The following SPIDR variants were observed in gnomAD, a reference collection of about 807,000 sequenced individuals.
The protein encoded by SPIDR is DNA repair-scaffolding protein.
In SPIDR, 93 loss-of-function variants were observed where a neutral mutation model predicts 104.6. The ratio of observed to expected loss-of-function variants is 0.89; its 90% CI spans 0.75 to 1.06. The LOEUF (loss-of-function observed/expected upper bound fraction) is 1.06. SPIDR is among the 50% of genes least tolerant of loss of function. The probability of loss-of-function intolerance (pLI) is 0.00; values close to 1 mark genes in which losing one functional copy is unlikely to be tolerated. For missense variants in SPIDR, 1,154 were observed against 1,111.2 expected, an observed-to-expected ratio of 1.04 and a Z score of -0.55; for synonymous variants, 431 against 416.9, an observed-to-expected ratio of 1.03 and a Z score of -0.41.
chr8:47,735,123 T>G (rs1412361384), intron 19 of SPIDR, among the ~76,000 whole-genome samples, 184 bp from the exon 20 acceptor site: 9 of 151,144 alleles, frequency 6.0e-5, no homozygotes, highest in East Asian at 1.9e-4. Flanking sequence ...TGTGTGTGTG[T>G]GTGTGTGTGT....
intron 5 of SPIDR, among the ~76,000 whole-genome samples, chr8:47,311,052 C>T (rs1037846698): frequency 6.6e-6 from 1 of 152,040 alleles, no homozygotes; most frequent in South Asian, 2.1e-4. Context: ...TATAACTCTT[C>T]TTAAGGTTAT....
chr8:47,486,548 T>A (rs1460105257), intron 8 of SPIDR, among the ~76,000 whole-genome samples: 1 of 152,078 alleles, frequency 6.6e-6, no homozygotes, highest in Non-Finnish European at 1.5e-5. Flanking sequence ...CACATAATTG[T>A]CACATTCACC....
At chr8:47,511,275 G>C in intron 8 of SPIDR, 1 of 1,520,870 alleles carries the variant, frequency 6.6e-7, no homozygotes, top group Non-Finnish European at 9.1e-7. Context: ...TCTCTGATTC[G>C]ACGATTAAGA....
intron 16 of SPIDR, among the ~76,000 whole-genome samples, chr8:47,725,501 C>T (rs1490375284): frequency 6.6e-6 from 1 of 152,198 alleles, no homozygotes; most frequent in Non-Finnish European, 1.5e-5. Context: ...AAGCGATTCT[C>T]CTGCCTCAGC....
At chr8:47,470,167 G>A (rs1448344927) in intron 8 of SPIDR, among the ~76,000 whole-genome samples, 5 of 152,148 alleles carry the variant, frequency 3.3e-5, no homozygotes, top group African/African-American at 1.2e-4. Context: ...TAAATCTACA[G>A]CAATTAAAAC....
At chr8:47,277,518 C>G in intron 1 of SPIDR, among the ~76,000 whole-genome samples, 1 of 150,004 alleles carries the variant, frequency 6.7e-6, no homozygotes, top group Non-Finnish European at 1.5e-5. Context: ...GATGAACATT[C>G]CCACCCCTGC....
intron 8 of SPIDR, among the ~76,000 whole-genome samples, chr8:47,589,208 C>A (rs1354301157): frequency 2.6e-5 from 4 of 151,884 alleles, no homozygotes; most frequent in Non-Finnish European, 5.9e-5. Context: ...CCTGGAGATA[C>A]CACTTTTGGG....
intron 11 of SPIDR, among the ~76,000 whole-genome samples, chr8:47,688,005 CAAAA>C (rs1283941527): frequency 2.2e-5 from 2 of 90,498 alleles, no homozygotes; most frequent in Non-Finnish European, 4.8e-5. Flanking sequence ...ACCTGGCTGT[CAAAA>C]AAAAAAAGTG....
intron 10 of SPIDR, among the ~76,000 whole-genome samples, chr8:47,620,955 GGTTTTT>G (rs1809751435): frequency 6.8e-6 from 1 of 147,788 alleles, no homozygotes; most frequent in Non-Finnish European, 1.5e-5. Context: ...ATTCTCACTG[GGTTTTT>G]GTTTTTGTTT....
At chr8:47,731,023 C>T (rs1451145236) in intron 19 of SPIDR, among the ~76,000 whole-genome samples, 18 of 152,206 alleles carry the variant, frequency 1.2e-4, no homozygotes, top group Admixed American at 4.6e-4. Flanking sequence ...TTTGAGAGGC[C>T]GAGGCGGGCG....
intron 10 of SPIDR, among the ~76,000 whole-genome samples, chr8:47,616,713 C>CA (rs1489913541): frequency 1.2e-4 from 19 of 152,304 alleles, no homozygotes; most frequent in Non-Finnish European, 2.6e-4. Flanking sequence ...AGAGCATTCC[C>CA]AAATACAGAG....
At chr8:47,654,168 TC>T in intron 10 of SPIDR, 1 of 1,289,766 alleles carries the variant, frequency 7.8e-7, no homozygotes, top group Non-Finnish European at 1.0e-6. Context: ...CATGATTAAC[TC>T]TATTCGATAA....
intron 8 of SPIDR, among the ~76,000 whole-genome samples, chr8:47,549,947 G>T (rs1056289024): frequency 2.0e-5 from 3 of 152,176 alleles, no homozygotes; most frequent in Non-Finnish European, 4.4e-5. Flanking sequence ...TTTGTATAAG[G>T]TGTAAAGAAG....
intron 8 of SPIDR, among the ~76,000 whole-genome samples, chr8:47,570,604 A>AC (rs2058396254): frequency 6.6e-6 from 1 of 152,212 alleles, no homozygotes; most frequent in African/African-American, 2.4e-5. Context: ...AGACACTATC[A>AC]AGAAAGTGAA....
chr8:47,500,710 C>G (rs1056029613), intron 8 of SPIDR, among the ~76,000 whole-genome samples: 3 of 152,186 alleles, frequency 2.0e-5, no homozygotes, highest in Non-Finnish European at 4.4e-5. Flanking sequence ...GATGTGAAGT[C>G]CTTGCCCATG....
intron 5 of SPIDR, among the ~76,000 whole-genome samples, chr8:47,359,115 G>A (rs1331305347): frequency 2.0e-5 from 3 of 150,888 alleles, no homozygotes; most frequent in African/African-American, 4.9e-5. Context: ...TTTTTTTTAC[G>A]GGCGCCTGTA....
chr8:47,457,219 A>G (rs2073137056), intron 8 of SPIDR, among the ~76,000 whole-genome samples: 1 of 152,096 alleles, frequency 6.6e-6, no homozygotes, highest in South Asian at 2.1e-4. Flanking sequence ...TTACATTCTC[A>G]CCAGCAGTGT....
chr8:47,315,299 T>C (rs1586815610), intron 5 of SPIDR, among the ~76,000 whole-genome samples: 1 of 152,206 alleles, frequency 6.6e-6, no homozygotes, highest in Non-Finnish European at 1.5e-5. Flanking sequence ...CATACCGAGA[T>C]AAATAATATA....
At chr8:47,450,690 C>T (rs782573094) in intron 8 of SPIDR, among the ~76,000 whole-genome samples, 2 of 152,116 alleles carry the variant, frequency 1.3e-5, no homozygotes, top group Middle Eastern at 3.2e-3. Flanking sequence ...CATGCTCTTC[C>T]TAATCTAAGA....
Sources: gnomAD v4.1 joint callset for allele counts (sites outside exome capture counted in the v4.1 genomes callset) on GRCh38, gnomAD v4.1.1 for gene constraint, MANE v1.5 for transcripts, NCBI Gene and HGNC (gene_info 2026-07-23, HGNC 2026-07-21) for gene names.